The following GRIK4 variants were observed in gnomAD, a reference collection of about 807,000 sequenced individuals.
GRIK4 encodes glutamate receptor ionotropic, kainate 4.
In GRIK4, 40 loss-of-function variants were observed where a neutral mutation model predicts 104.9. The ratio of observed to expected loss-of-function variants is 0.38; its 90% CI spans 0.30 to 0.50. The LOEUF is 0.50. Ranked by LOEUF, GRIK4 falls within the 20% of genes least tolerant of loss-of-function variation. GRIK4 has a pLI of 0.93. For missense variants in GRIK4, 1,047 were observed against 1,308.1 expected (o/e 0.80, Z 3.08); for synonymous variants, 485 against 524.9 (o/e 0.92, Z 1.04).
intron 3 of GRIK4, among the ~76,000 whole-genome samples, chr11:120,802,089 A>G (rs1463982202): frequency 6.6e-6 from 1 of 152,162 alleles, no homozygotes; most frequent in Non-Finnish European, 1.5e-5. Context: ...CCTCACACCA[A>G]CCCTGTGAGG....
At chr11:120,922,058 A>T (rs1439412962) in intron 13 of GRIK4, among the ~76,000 whole-genome samples, 20 of 152,004 alleles carry the variant, frequency 1.3e-4, no homozygotes, top group Admixed American at 1.3e-3. Flanking sequence ...GACTCCCAAC[A>T]CTGTGCTCAA....
At chr11:120,569,189 G>A (rs774735999) in intron 1 of GRIK4, among the ~76,000 whole-genome samples, 11 of 152,218 alleles carry the variant, frequency 7.2e-5, no homozygotes, top group Admixed American at 7.2e-4. Flanking sequence ...CTACAAGCTG[G>A]ATAATAGACC....
chr11:120,625,522 C>T (rs2135172837), intron 1 of GRIK4, among the ~76,000 whole-genome samples: 1 of 152,276 alleles, frequency 6.6e-6, no homozygotes, highest in South Asian at 2.1e-4. Flanking sequence ...AGTGTTGTTG[C>T]CTCTTCTCAC....
At chr11:120,851,237 A>G (rs1347698448) in intron 8 of GRIK4, among the ~76,000 whole-genome samples, 2 of 152,006 alleles carry the variant, frequency 1.3e-5, no homozygotes, top group Admixed American at 6.6e-5. Flanking sequence ...CCTATTCCCT[A>G]TCACCCACTG....
chr11:120,778,353 C>T (rs897280234), intron 3 of GRIK4, among the ~76,000 whole-genome samples: 14 of 152,188 alleles, frequency 9.2e-5, no homozygotes, highest in South Asian at 2.1e-4. Flanking sequence ...GGGAGAAACA[C>T]GAGAGAAGAT....
intron 3 of GRIK4, among the ~76,000 whole-genome samples, chr11:120,705,489 T>C (rs1950615170): frequency 6.6e-6 from 1 of 152,104 alleles, no homozygotes; most frequent in African/African-American, 2.4e-5. Context: ...GACTCCCAAA[T>C]TGTTGGGATT....
At chr11:120,799,209 T>G (rs921083390) in intron 3 of GRIK4, among the ~76,000 whole-genome samples, 6 of 152,180 alleles carry the variant, frequency 3.9e-5, no homozygotes, top group African/African-American at 1.4e-4. Flanking sequence ...GTTAAATAGT[T>G]AGTAGGTTAT....
chr11:120,714,816 G>A (rs1950798836), intron 3 of GRIK4, among the ~76,000 whole-genome samples: 1 of 152,222 alleles, frequency 6.6e-6, no homozygotes, highest in South Asian at 2.1e-4. Flanking sequence ...AGATGAGCCT[G>A]GAGAGGTAGG....
At chr11:120,692,427 G>T (rs1031533589) in intron 3 of GRIK4, among the ~76,000 whole-genome samples, 1 of 152,196 alleles carries the variant, frequency 6.6e-6, no homozygotes, top group African/African-American at 2.4e-5. Context: ...GCAGGCTAGT[G>T]GGGGAGGTGG....
chr11:120,527,182 C>T (rs75195561), intron 1 of GRIK4, among the ~76,000 whole-genome samples: 2,806 of 152,296 alleles, frequency 0.018, 45 homozygotes, highest in East Asian at 0.062. Flanking sequence ...CTCGGCTTGC[C>T]GGGGCTTTGG....
rs140492186 is a variant in GRIK4 at position 120,594,602 on chromosome 11, C to T, written c.-158-59083C>T. Among the ~76,000 whole-genome samples, 43 of 152,364 alleles carry T rather than the reference C, an allele frequency of 2.8e-4. No homozygotes were observed. In the South Asian group the frequency reaches 8.7e-3, roughly 31 times the overall value. On this transcript the variant is annotated intron_variant, in intron 1 of 20. Coordinates refer to ENST00000527524, the MANE Select transcript of GRIK4 (RefSeq NM_014619.5). ...CTCCAGCCTCCTCTTGCACTGTCTT[C>T]TTGATCAGTTGCCTTCCTAACAGCT...
At chr11:120,880,635 A>C (rs1954943195) in intron 11 of GRIK4, among the ~76,000 whole-genome samples, 1 of 152,138 alleles carries the variant, frequency 6.6e-6, no homozygotes, top group Non-Finnish European at 1.5e-5. Context: ...ACGTTTCTCC[A>C]TTGTTCCCCT....
At chr11:120,786,920 G>A (rs780348138) in intron 3 of GRIK4, among the ~76,000 whole-genome samples, 18 of 152,188 alleles carry the variant, frequency 1.2e-4, no homozygotes, top group Non-Finnish European at 2.4e-4. Flanking sequence ...TCATCTGGGT[G>A]GAGATGTGCT....
At chr11:120,648,175 C>G (rs1158877626) in intron 1 of GRIK4, among the ~76,000 whole-genome samples, 1 of 152,192 alleles carries the variant, frequency 6.6e-6, no homozygotes, top group Non-Finnish European at 1.5e-5. Flanking sequence ...GGGGGCTGAG[C>G]CTTCAGCCTC....
chr11:120,958,995 A>C (rs1198776851), intron 16 of GRIK4, among the ~76,000 whole-genome samples: 1 of 152,216 alleles, frequency 6.6e-6, no homozygotes, highest in Non-Finnish European at 1.5e-5. Flanking sequence ...CTTACAGGTC[A>C]CAGATAGGGA....
intron 13 of GRIK4, among the ~76,000 whole-genome samples, chr11:120,912,424 A>C (rs1414048456): frequency 6.6e-6 from 1 of 152,206 alleles, no homozygotes; most frequent in African/African-American, 2.4e-5. Context: ...GGAAAAGAGC[A>C]CATGTTCAAG....
intron 1 of GRIK4, among the ~76,000 whole-genome samples, chr11:120,525,560 G>A (rs1467855416): frequency 6.6e-6 from 1 of 152,230 alleles, no homozygotes; most frequent in Admixed American, 6.5e-5. Flanking sequence ...GAGACCAGCA[G>A]GGGTGTTACA....
chr11:120,529,849 T>C (rs1411686901), intron 1 of GRIK4, among the ~76,000 whole-genome samples: 1 of 152,226 alleles, frequency 6.6e-6, no homozygotes, highest in Non-Finnish European at 1.5e-5. Flanking sequence ...CCAGCAACCC[T>C]GGGAGGCAGC....
chr11:120,558,117 C>G (rs1454087591), intron 1 of GRIK4, among the ~76,000 whole-genome samples: 1 of 151,762 alleles, frequency 6.6e-6, no homozygotes, highest in Admixed American at 6.6e-5. Flanking sequence ...CACTTACAAG[C>G]TGTGCAACTT....
Sources: gnomAD v4.1 joint callset for allele counts (sites outside exome capture counted in the v4.1 genomes callset) on GRCh38, gnomAD v4.1.1 for gene constraint, MANE v1.5 for transcripts, NCBI Gene and HGNC (gene_info 2026-07-23, HGNC 2026-07-21) for gene names.